SGCD: variants seen among roughly 807,000 people sequenced by gnomAD.
SGCD encodes the protein sarcoglycan delta, also known as delta-sarcoglycan.
A neutral mutation model predicts 36.6 loss-of-function variants in SGCD; 18 were observed. That is an observed-to-expected ratio of 0.49 (90% CI 0.34 to 0.73). The LOEUF (loss-of-function observed/expected upper bound fraction) is 0.73. Ranked by LOEUF, SGCD falls within the 30% of genes least tolerant of loss-of-function variation. The probability of loss-of-function intolerance (pLI) is 0.01; values close to 1 mark genes in which losing one functional copy is unlikely to be tolerated. For synonymous variants in SGCD, 133 were observed against 130.6 expected, an observed-to-expected ratio of 1.02 and a Z score of -0.12; for missense variants, 387 against 346.7, an observed-to-expected ratio of 1.12 and a Z score of -0.92.
intron 4 of SGCD, among the ~76,000 whole-genome samples, chr5:156,565,809 T>C (rs1448570960): frequency 1.3e-5 from 2 of 152,122 alleles, no homozygotes; most frequent in Non-Finnish European, 2.9e-5. Context: ...TGGTTTTCTG[T>C]TTCTGTGTTA....
At chr5:156,318,749 C>T (rs548061588) in intron 3 of SGCD, among the ~76,000 whole-genome samples, 1 of 152,180 alleles carries the variant, frequency 6.6e-6, no homozygotes, top group East Asian at 1.9e-4. Flanking sequence ...TTGTGTGCCC[C>T]CTCGCCTGGC....
upstream of SGCD, among the ~76,000 whole-genome samples, chr5:156,322,928 C>G (rs1466655711): frequency 6.6e-6 from 1 of 152,160 alleles, no homozygotes; most frequent in East Asian, 1.9e-4. Flanking sequence ...AATCTTAAGT[C>G]TGGCTCACAT....
chr5:156,283,983 G>T (rs971629994), intron 3 of SGCD, among the ~76,000 whole-genome samples: 2 of 152,136 alleles, frequency 1.3e-5, no homozygotes, highest in African/African-American at 4.8e-5. Flanking sequence ...GTTAATTTGT[G>T]TATGTACATG....
chr5:156,413,831 T>C (rs1772893204), intron 3 of SGCD, among the ~76,000 whole-genome samples: 1 of 151,842 alleles, frequency 6.6e-6, no homozygotes, highest in South Asian at 2.1e-4. Flanking sequence ...AGCTAGAAAA[T>C]TGGGAAAAGG....
intron 3 of SGCD, among the ~76,000 whole-genome samples, chr5:156,489,263 T>C (rs1755836440): frequency 1.3e-5 from 2 of 152,066 alleles, no homozygotes; most frequent in South Asian, 2.1e-4. Context: ...AAGAGAAAGA[T>C]AGACTCCTAT....
At chr5:156,514,706 A>G (rs1304044741) in intron 4 of SGCD, among the ~76,000 whole-genome samples, 1 of 152,184 alleles carries the variant, frequency 6.6e-6, no homozygotes, top group Non-Finnish European at 1.5e-5. Flanking sequence ...GACAACATGG[A>G]TTTGAGCATG....
intron 4 of SGCD, among the ~76,000 whole-genome samples, chr5:156,587,901 C>G (rs1760560380): frequency 6.6e-6 from 1 of 151,496 alleles, no homozygotes; most frequent in East Asian, 2.0e-4. Flanking sequence ...ATCTCCTGGT[C>G]TCCATTAGAA....
intron 1 of SGCD, among the ~76,000 whole-genome samples, chr5:156,062,079 C>A (rs1760229038): frequency 1.3e-5 from 1 of 78,098 alleles, no homozygotes; most frequent in Non-Finnish European, 2.3e-5. Flanking sequence ...CTATCCCTCC[C>A]CCCTCCCCCG....
intron 1 of SGCD, among the ~76,000 whole-genome samples, chr5:156,000,590 T>C (rs1456063471): frequency 2.0e-5 from 3 of 152,072 alleles, no homozygotes; most frequent in Non-Finnish European, 2.9e-5. Flanking sequence ...AAGCATAAAA[T>C]CTGCCCTATT....
chr5:156,728,304 C>A (rs1246313859), intron 7 of SGCD, among the ~76,000 whole-genome samples: 2 of 151,882 alleles, frequency 1.3e-5, no homozygotes, highest in African/African-American at 4.8e-5. Context: ...AAAGTTACTG[C>A]ATGAGGTAGA....
chr5:156,734,517 A>G (rs760348664), intron 7 of SGCD, among the ~76,000 whole-genome samples: 3 of 152,128 alleles, frequency 2.0e-5, no homozygotes, highest in Non-Finnish European at 1.5e-5. Flanking sequence ...CAGGTACAAC[A>G]ATCAGTCGTA....
intron 4 of SGCD, among the ~76,000 whole-genome samples, chr5:156,517,509 A>G (rs1217605136): frequency 6.6e-6 from 1 of 152,142 alleles, no homozygotes; most frequent in Non-Finnish European, 1.5e-5. Context: ...AAGATATTCC[A>G]TGAGAAGATC....
At chr5:156,364,460 C>T (rs978212945) in intron 3 of SGCD, among the ~76,000 whole-genome samples, 2 of 151,846 alleles carry the variant, frequency 1.3e-5, no homozygotes, top group Admixed American at 6.6e-5. Context: ...GGCTTATAGG[C>T]AGAAGGAAAA....
At chr5:155,930,566 C>T (rs1247036124) in intron 1 of SGCD, among the ~76,000 whole-genome samples, 1 of 152,150 alleles carries the variant, frequency 6.6e-6, no homozygotes, top group Non-Finnish European at 1.5e-5. Flanking sequence ...GACTTATCCT[C>T]AAAGAATGGA....
At chr5:156,502,049 T>G (rs1471644511) in intron 3 of SGCD, among the ~76,000 whole-genome samples, 2 of 152,076 alleles carry the variant, frequency 1.3e-5, no homozygotes, top group African/African-American at 4.8e-5. Flanking sequence ...TTTTTTTTTT[T>G]TTTTGTTTGG....
intron 7 of SGCD, among the ~76,000 whole-genome samples, chr5:156,734,362 G>T (rs1218021591): frequency 6.6e-6 from 1 of 151,622 alleles, no homozygotes; most frequent in Non-Finnish European, 1.5e-5. Flanking sequence ...GTGTCTTAGG[G>T]ATGATTTTCT....
chr5:156,668,182 T>C (rs1161327974), intron 7 of SGCD, among the ~76,000 whole-genome samples: 3 of 152,210 alleles, frequency 2.0e-5, no homozygotes, highest in Non-Finnish European at 4.4e-5. Flanking sequence ...AGCCACAGAC[T>C]AAGGCATGAT....
intron 3 of SGCD, among the ~76,000 whole-genome samples, chr5:156,415,684 A>G (rs1772994280): frequency 6.6e-6 from 1 of 152,208 alleles, no homozygotes; most frequent in Non-Finnish European, 1.5e-5. Context: ...TGAAAAAGGA[A>G]GCAGGAAGTA....
At chr5:156,450,007 A>G (rs562808492) in intron 3 of SGCD, among the ~76,000 whole-genome samples, 1 of 152,256 alleles carries the variant, frequency 6.6e-6, no homozygotes, top group South Asian at 2.1e-4. Flanking sequence ...AAAGCTGCGT[A>G]TTCTCAAGAT....
Sources: gnomAD v4.1 joint callset for allele counts (sites outside exome capture counted in the v4.1 genomes callset) on GRCh38, gnomAD v4.1.1 for gene constraint, MANE v1.5 for transcripts, NCBI Gene and HGNC (gene_info 2026-07-23, HGNC 2026-07-21) for gene names.